The following TTC29 variants were observed in gnomAD, a reference collection of about 807,000 sequenced individuals.
TTC29 encodes the protein tetratricopeptide repeat domain 29.
A neutral mutation model predicts 58.1 loss-of-function variants in TTC29; 49 were observed. The observed-to-expected ratio is 0.84, with a 90% CI of 0.67 to 1.07. The LOEUF is 1.07. Ranked by LOEUF, TTC29 falls within the 50% of genes least tolerant of loss-of-function variation. TTC29 has a pLI of 0.00. For synonymous variants in TTC29, 209 were observed against 196.8 expected (o/e 1.06, Z -0.52); for missense variants, 582 against 555.6 (o/e 1.05, Z -0.48).
intron 2 of TTC29, chr4:146,944,454 A>G (rs949418281): frequency 4.6e-5 from 7 of 152,272 alleles, no homozygotes; most frequent in Non-Finnish European, 8.8e-5. Context: ...TTGGCCCCCA[A>G]GTAAAATTCT....
chr4:146,771,494 G>T (rs1441068526), intron 11 of TTC29, among the ~76,000 whole-genome samples: 2 of 151,900 alleles, frequency 1.3e-5, no homozygotes, highest in African/African-American at 4.8e-5. Flanking sequence ...CCCACTTGTT[G>T]GCGAGAACAT....
chr4:146,890,876 T>C (rs539583614), intron 6 of TTC29, among the ~76,000 whole-genome samples: 1 of 152,286 alleles, frequency 6.6e-6, no homozygotes, highest in South Asian at 2.1e-4. Flanking sequence ...TTAATGCCAA[T>C]GGGAGCAGAG....
chr4:146,925,062 T>C (rs1430634587), intron 4 of TTC29, among the ~76,000 whole-genome samples: 2 of 152,096 alleles, frequency 1.3e-5, no homozygotes, highest in Non-Finnish European at 2.9e-5. Context: ...TTCATTCCTG[T>C]AGGAGAACAC....
At chr4:146,779,235 A>T (rs1424829140) in intron 11 of TTC29, among the ~76,000 whole-genome samples, 1 of 152,102 alleles carries the variant, frequency 6.6e-6, no homozygotes, top group Non-Finnish European at 1.5e-5. Flanking sequence ...TCCTCAATTA[A>T]TACATCCTGG....
chr4:146,710,886 C>T (rs927512981), intron 11 of TTC29, among the ~76,000 whole-genome samples: 49 of 152,012 alleles, frequency 3.2e-4, no homozygotes, highest in African/African-American at 1.1e-3. Flanking sequence ...CCAGTAAATG[C>T]TAAATTGCTA....
chr4:146,892,993 A>C (rs1352167860), intron 6 of TTC29, among the ~76,000 whole-genome samples: 1 of 152,214 alleles, frequency 6.6e-6, no homozygotes, highest in Admixed American at 6.5e-5. Context: ...GGACCTCTTT[A>C]AGGAGAACTA....
intron 8 of TTC29, 150 bp downstream of exon 8, chr4:146,867,348 C>A: frequency 2.4e-6 from 1 of 408,910 alleles, no homozygotes; most frequent in Non-Finnish European, 4.4e-6. Flanking sequence ...ATGCTTCTAG[C>A]ATATTGCTAT....
At chr4:146,735,532 G>A (rs1484395164) in intron 11 of TTC29, among the ~76,000 whole-genome samples, 1 of 152,144 alleles carries the variant, frequency 6.6e-6, no homozygotes, top group East Asian at 1.9e-4. Flanking sequence ...AGCCAGCCTG[G>A]TAGCTTGGAT....
intron 8 of TTC29, among the ~76,000 whole-genome samples, chr4:146,849,087 G>A (rs1312795847): frequency 1.3e-5 from 2 of 152,218 alleles, no homozygotes; most frequent in African/African-American, 4.8e-5. Context: ...TGAGTCAGCA[G>A]TCTCACCCTT....
intron 4 of TTC29, among the ~76,000 whole-genome samples, chr4:146,931,535 A>G (rs1735335484): frequency 1.3e-5 from 2 of 152,232 alleles, no homozygotes; most frequent in African/African-American, 4.8e-5. Flanking sequence ...GAAAGCAAAG[A>G]TTGGAGAAAG....
intron 6 of TTC29, among the ~76,000 whole-genome samples, chr4:146,894,447 A>G (rs1317838013): frequency 6.7e-6 from 1 of 150,124 alleles, no homozygotes; most frequent in East Asian, 2.0e-4. Flanking sequence ...ACCAAACACC[A>G]CATGTTCTCA....
chr4:146,736,252 G>T (rs573879419), intron 11 of TTC29, among the ~76,000 whole-genome samples: 13 of 151,536 alleles, frequency 8.6e-5, no homozygotes, highest in African/African-American at 3.1e-4. Context: ...CACAGGAGTG[G>T]GTAAAATGGT....
intron 11 of TTC29, among the ~76,000 whole-genome samples, chr4:146,719,527 A>C (rs1392148268): frequency 2.6e-5 from 4 of 152,190 alleles, no homozygotes; most frequent in African/African-American, 9.7e-5. Flanking sequence ...GTATAGCGTT[A>C]GGCTTGGAAA....
intron 11 of TTC29, among the ~76,000 whole-genome samples, chr4:146,731,895 G>A (rs181934779): frequency 6.6e-5 from 10 of 152,134 alleles, no homozygotes; most frequent in Non-Finnish European, 1.0e-4. Context: ...GCCAGTTAGC[G>A]TTGCTTGTAG....
intron 11 of TTC29, among the ~76,000 whole-genome samples, chr4:146,787,800 G>A (rs1749138572): frequency 6.6e-6 from 1 of 152,160 alleles, no homozygotes; most frequent in South Asian, 2.1e-4. Context: ...TTGGTATTAA[G>A]TAGGTGGGAA....
At chr4:146,797,864 G>C (rs1371888516) in intron 11 of TTC29, among the ~76,000 whole-genome samples, 1 of 88,630 alleles carries the variant, frequency 1.1e-5, no homozygotes, top group South Asian at 3.9e-4. Context: ...ATATATATTC[G>C]TTCTCTCTTC....
intron 9 of TTC29, among the ~76,000 whole-genome samples, chr4:146,829,492 C>T (rs900019649): frequency 2.0e-5 from 3 of 152,088 alleles, no homozygotes; most frequent in African/African-American, 7.2e-5. Flanking sequence ...AGTAATAAGG[C>T]AAATGGGATC....
chr4:146,808,790 C>T lies in TTC29; in HGVS notation c.1102-5105G>A, dbSNP rs570768610. Among the ~76,000 whole-genome samples, 31 of 152,218 alleles carry T rather than the reference C, an allele frequency of 2.0e-4. No homozygotes were observed. In the East Asian group the frequency reaches 4.8e-3, roughly 24 times the overall value. The stretch of plus-strand genomic sequence containing the variant: ...GCTCATGGATAGGAAGAATCAGTAT[C>T]GTGAAAATAGCCATACTGCCCAAAG... On this transcript the variant is annotated intron_variant, in intron 10 of 12. Coordinates refer to ENST00000325106, the MANE Select transcript of TTC29 (RefSeq NM_031956.4).
intron 11 of TTC29, among the ~76,000 whole-genome samples, chr4:146,763,185 C>T (rs1028271648): frequency 6.6e-6 from 1 of 152,048 alleles, no homozygotes; most frequent in African/African-American, 2.4e-5. Context: ...TTGTACTATG[C>T]TTCTGATGTT....
Sources: allele counts gnomAD v4.1 joint callset (sites outside exome capture counted in the v4.1 genomes callset), GRCh38; gene constraint gnomAD v4.1.1; transcripts MANE v1.5; gene names NCBI Gene and HGNC (gene_info 2026-07-23, HGNC 2026-07-21).